Variants in ADGB observed in about 807,000 individuals in gnomAD.
ADGB encodes the protein calpain-7-like protein.
In ADGB, 172 loss-of-function variants were observed where a neutral mutation model predicts 210.5. That is an observed-to-expected ratio of 0.82 (90% confidence interval 0.72 to 0.93). The LOEUF is 0.93. Ranked by LOEUF, ADGB falls within the 40% of genes least tolerant of loss-of-function variation. The pLI is 0.00. For synonymous variants in ADGB, 658 were observed against 662.7 expected (o/e 0.99, Z 0.11); for missense variants, 2,025 against 1,964.8 (o/e 1.03, Z -0.58).
At chr6:146,703,285 T>C (rs1776518962) in intron 13 of ADGB, among the ~76,000 whole-genome samples, 1 of 152,080 alleles carries the variant, frequency 6.6e-6, no homozygotes, top group South Asian at 2.1e-4. Context: ...GCATTTATAG[T>C]GTAAAACATG....
rs779002342 is a variant in ADGB at position 146,785,643 on chromosome 6, T to C, written c.4246T>C (p.Phe1416Leu). Reference sequence around the variant, plus strand: ...GGCTCGTTTGCATTACCTTAGCGGGTTCATTAAGAAAACATCTGATGCTGA... The same window carrying C: ...GGCTCGTTTGCATTACCTTAGCGGGCTCATTAAGAAAACATCTGATGCTGA... ...SQARLHYLSGFIKKTSDAESP... is the reference protein window; with the variant it reads ...SQARLHYLSGLIKKTSDAESP... The change falls in exon 32 of 36, where the codon TTC (phenylalanine) becomes CTC (leucine). Residue 1416 changes from phenylalanine to leucine, a missense_variant. Coordinates refer to ENST00000397944, the MANE Select transcript of ADGB (RefSeq NM_024694.4). 1.3e-5 allele frequency: 20 copies of C among 1,551,068 alleles called. No individual in the cohort carries two copies. In the South Asian group the frequency reaches 2.0e-4, roughly 16 times the overall value.
chr6:146,814,217 G>A (rs767004736), intron 35 of ADGB, among the ~76,000 whole-genome samples: 1 of 152,182 alleles, frequency 6.6e-6, no homozygotes, highest in East Asian at 1.9e-4. Context: ...AACATTTCTT[G>A]ATAAATTCAA....
In ADGB at chr6:146,715,368, C is replaced by T; in HGVS notation, c.1708-14C>T. On this transcript the variant is annotated splice_polypyrimidine_tract_variant and intron_variant, in intron 13 of 35. Coordinates refer to ENST00000397944, the MANE Select transcript of ADGB (RefSeq NM_024694.4). ...GTTTTGTTGGATTCAAAGTGTGTTT[C>T]TTTTAATTCATAGGGAAATACTGCT... 1 of 1,501,832 alleles carries T rather than the reference C, an allele frequency of 6.7e-7. No homozygotes were observed. Among genetic ancestry groups the T allele is most frequent in the Non-Finnish European group, 8.9e-7 (1 of 1,118,576 alleles). The allele number at this position is 1,501,832 out of a possible 1,614,324, so 93.0% of individuals were successfully genotyped here.
At chr6:146,687,077 A>G (rs901863145) in intron 10 of ADGB, among the ~76,000 whole-genome samples, 9 of 152,126 alleles carry the variant, frequency 5.9e-5, no homozygotes, top group African/African-American at 1.9e-4. Context: ...AAATTTTACT[A>G]TATAACAGTG....
At chr6:146,638,539 G>A (rs1173064151) in intron 2 of ADGB, among the ~76,000 whole-genome samples, 1 of 143,812 alleles carries the variant, frequency 7.0e-6, no homozygotes, top group Non-Finnish European at 1.5e-5. Flanking sequence ...TCACTCATAG[G>A]TGGGAAATGA....
Position 146,684,378 on chromosome 6 carries a change from G to A in ADGB, c.1217-1356G>A, listed in dbSNP as rs575277814. Among the ~76,000 whole-genome samples the A allele has an allele frequency of 2.0e-5, 3 of 152,092 alleles. No individual in the cohort carries two copies. In the South Asian group the frequency reaches 6.2e-4, roughly 32 times the overall value. On this transcript the variant is annotated intron_variant, in intron 9 of 35. Transcript: ENST00000397944. ...CTTCAACTCTCAGCTGACACCTAAA[G>A]GCATTTCACAATCTTTCTTTTGATT...
intron 2 of ADGB, among the ~76,000 whole-genome samples, chr6:146,637,385 A>G (rs756508379): frequency 1.3e-5 from 2 of 152,006 alleles, no homozygotes; most frequent in African/African-American, 4.8e-5. Flanking sequence ...AAAATTTTGC[A>G]TATAATTTTA....
In ADGB at chr6:146,655,863, A is replaced by G. The variant is rs149149959; in HGVS notation, c.403-908A>G. Among the ~76,000 whole-genome samples, 48 of 152,268 alleles carry G rather than the reference A, an allele frequency of 3.2e-4. No homozygotes were observed. The East Asian group carries it at 8.7e-3, about 28-fold the overall frequency. ...AGAATTTCCTAGATAACTCAAATTA[A>G]GAGAAACATAAATCTTGCAAGGTCA... is the stretch of plus-strand genomic sequence containing the variant. On this transcript the variant is annotated intron_variant, in intron 4 of 35. Coordinates refer to ENST00000397944, the MANE Select transcript of ADGB (RefSeq NM_024694.4).
intron 1 of ADGB, among the ~76,000 whole-genome samples, chr6:146,629,125 A>G (rs1781023232): frequency 6.6e-6 from 1 of 152,224 alleles, no homozygotes. Context: ...GTGAGTTTAA[A>G]TATTGAAATA....
intron 29 of ADGB, among the ~76,000 whole-genome samples, chr6:146,773,426 T>C (rs1777681858): frequency 6.6e-6 from 1 of 152,156 alleles, no homozygotes; most frequent in South Asian, 2.1e-4. Flanking sequence ...AATGAGCACA[T>C]ACAATTTTAA....
At chr6:146,626,743 A>T (rs532219784) in intron 1 of ADGB, among the ~76,000 whole-genome samples, 1 of 150,658 alleles carries the variant, frequency 6.6e-6, no homozygotes, top group Non-Finnish European at 1.5e-5. Context: ...GTAACTTGGC[A>T]TGGTTTTTTT....
intron 13 of ADGB, among the ~76,000 whole-genome samples, chr6:146,701,898 T>C (rs1776497623): frequency 6.6e-6 from 1 of 151,962 alleles, no homozygotes. Context: ...CCTGCTGTAA[T>C]TTCAAAGTAG....
At chr6:146,707,977 A>T (rs1379846312) in intron 13 of ADGB, among the ~76,000 whole-genome samples, 2 of 151,816 alleles carry the variant, frequency 1.3e-5, no homozygotes, top group African/African-American at 2.4e-5. Context: ...CTTTGATTTT[A>T]TGTATCTACT....
At chr6:146,748,655 G>T (rs897398867) in intron 26 of ADGB, among the ~76,000 whole-genome samples, 1 of 152,060 alleles carries the variant, frequency 6.6e-6, no homozygotes, top group African/African-American at 2.4e-5. Flanking sequence ...GTGCAATCAT[G>T]GCTCACTAAA....
At chr6:146,723,251 T>C (rs576886669) in intron 17 of ADGB, among the ~76,000 whole-genome samples, 2 of 152,298 alleles carry the variant, frequency 1.3e-5, no homozygotes, top group South Asian at 4.1e-4. Context: ...TTTCAGGTAA[T>C]GTTGTGACCT....
chr6:146,664,484 C>T (rs1562268603), intron 6 of ADGB, 144 bp downstream of exon 6: 10 of 791,672 alleles, frequency 1.3e-5, no homozygotes, highest in East Asian at 3.1e-5. Context: ...AGTATAAAAT[C>T]AAATACGCCA....
intron 9 of ADGB, among the ~76,000 whole-genome samples, chr6:146,683,716 T>C (rs891124774): frequency 6.6e-6 from 1 of 152,122 alleles, no homozygotes; most frequent in Non-Finnish European, 1.5e-5. Context: ...GGTTTCCATA[T>C]ATTTTATTAC....
At chr6:146,703,231 A>G (rs893502163) in intron 13 of ADGB, among the ~76,000 whole-genome samples, 19 of 151,790 alleles carry the variant, frequency 1.3e-4, no homozygotes, top group African/African-American at 4.6e-4. Context: ...TATCTTTTCA[A>G]TCTTGTCTTT....
At chr6:146,670,516 C>T (rs1045214324) in intron 7 of ADGB, among the ~76,000 whole-genome samples, 12 of 152,146 alleles carry the variant, frequency 7.9e-5, no homozygotes, top group East Asian at 1.9e-4. Flanking sequence ...TATGTCACAA[C>T]GCCTGGGTTT....
Sources: gnomAD v4.1 joint callset for allele counts (sites outside exome capture counted in the v4.1 genomes callset) on GRCh38, gnomAD v4.1.1 for gene constraint, MANE v1.5 for transcripts, NCBI Gene and HGNC (gene_info 2026-07-23, HGNC 2026-07-21) for gene names.